The following ARHGAP8 variants were observed in gnomAD, a reference collection of about 807,000 sequenced individuals.
The protein encoded by ARHGAP8 is rho GTPase-activating protein 8.
Under a neutral mutation model 46.1 loss-of-function variants are expected in ARHGAP8, and 62 were observed. The observed-to-expected ratio is 1.34, with a 90% CI of 1.10 to 1.66. The LOEUF is 1.66. Among genes scored for constraint, ARHGAP8 ranks in the 40% most tolerant of loss-of-function variants. ARHGAP8 has a pLI of 0.00. For missense variants in ARHGAP8, 923 were observed against 568.4 expected, an observed-to-expected ratio of 1.62 and a Z score of -6.34; for synonymous variants, 375 against 243.1, an observed-to-expected ratio of 1.54 and a Z score of -5.05.
chr22:44,810,034 G>A (rs192011635), intron 4 of ARHGAP8, among the ~76,000 whole-genome samples: 2 of 152,276 alleles, frequency 1.3e-5, no homozygotes, highest in African/African-American at 4.8e-5. Context: ...TAGCCCCAGC[G>A]CATGTCCTCC....
chr22:44,831,186 T>C (rs1930920102), intron 7 of ARHGAP8, among the ~76,000 whole-genome samples: 1 of 152,224 alleles, frequency 6.6e-6, no homozygotes, highest in African/African-American at 2.4e-5. Flanking sequence ...AATTTATTTA[T>C]TTTTTTCTTT....
chr22:44,815,882 C>T (rs556754313), intron 5 of ARHGAP8, among the ~76,000 whole-genome samples: 1 of 151,580 alleles, frequency 6.6e-6, no homozygotes, highest in Admixed American at 6.6e-5. Flanking sequence ...TGACAGATGT[C>T]GTTCTTGCAC....
chr22:44,861,010 CAAAA>C (rs143581372), intron 11 of ARHGAP8, among the ~76,000 whole-genome samples: 278 of 152,120 alleles, frequency 1.8e-3, no homozygotes, highest in Middle Eastern at 3.4e-3. Flanking sequence ...CTAATTCTCT[CAAAA>C]AAATTTTTTG....
At chr22:44,860,990 C>T (rs1011608465) in intron 11 of ARHGAP8, among the ~76,000 whole-genome samples, 1 of 126,156 alleles carries the variant, frequency 7.9e-6, no homozygotes. Flanking sequence ...AGGCCCAAAA[C>T]TAAACTCTCC....
chr22:44,859,039 G>A (rs1250351033), intron 10 of ARHGAP8, among the ~76,000 whole-genome samples: 1 of 151,736 alleles, frequency 6.6e-6, no homozygotes, highest in Non-Finnish European at 1.5e-5. Flanking sequence ...ACAGGCAGTG[G>A]GCCAGATCTA....
intron 4 of ARHGAP8, chr22:44,808,650 TTC>T (rs1438247092): frequency 5.2e-5 from 46 of 879,396 alleles, no homozygotes; most frequent in African/African-American, 4.2e-4. Flanking sequence ...ATTTTTTTTT[TTC>T]TTTCTTTCTT....
intron 1 of ARHGAP8, among the ~76,000 whole-genome samples, chr22:44,785,887 C>A (rs552971811): frequency 1.2e-4 from 19 of 152,272 alleles, no homozygotes; most frequent in African/African-American, 3.6e-4. Context: ...TTCCTGCTGG[C>A]TGCCAGTGTC....
intron 10 of ARHGAP8, among the ~76,000 whole-genome samples, chr22:44,857,917 T>G (rs1047422960): frequency 1.6e-4 from 16 of 102,182 alleles, no homozygotes; most frequent in African/African-American, 6.4e-4. Context: ...TCCTGCCTAC[T>G]TGCCAGCAGG....
Position 44,834,499 on chromosome 22 carries a change from T to C in ARHGAP8, c.596+8906T>C, listed in dbSNP as rs548428870. ...TGTATGATTTAACTTCTTTCAGATGTATGGAGGCTTGTTATGTGGTATAAC... is the reference window on the plus strand; with the variant it reads ...TGTATGATTTAACTTCTTTCAGATGCATGGAGGCTTGTTATGTGGTATAAC... On this transcript the variant is annotated intron_variant, in intron 7 of 11. Transcript: ENST00000356099. Among the ~76,000 whole-genome samples, 5 of 152,318 alleles carry C rather than the reference T, an allele frequency of 3.3e-5. No individual in the cohort carries two copies. The South Asian group carries it at 8.3e-4, about 25-fold the overall frequency.
intron 8 of ARHGAP8, among the ~76,000 whole-genome samples, chr22:44,845,943 G>C (rs1026708946): frequency 3.3e-5 from 5 of 152,174 alleles, no homozygotes; most frequent in Non-Finnish European, 7.4e-5. Context: ...AGGTGTGCTA[G>C]GTGGGCCGGG....
intron 1 of ARHGAP8, among the ~76,000 whole-genome samples, chr22:44,773,730 A>G (rs1414296139): frequency 6.6e-6 from 1 of 152,092 alleles, no homozygotes; most frequent in African/African-American, 2.4e-5. Flanking sequence ...CTAAAGGTGT[A>G]CACCACCACA....
At chr22:44,854,065 A>C (rs1486710583) in intron 10 of ARHGAP8, among the ~76,000 whole-genome samples, 1 of 133,420 alleles carries the variant, frequency 7.5e-6, no homozygotes, top group Non-Finnish European at 1.6e-5. Context: ...AAAAAAAACC[A>C]TCAGACTTTG....
In ARHGAP8 at chr22:44,862,274, G is replaced by C. The variant is rs202074513; in HGVS notation, c.982-1G>C. 88 of 1,586,270 alleles carry C rather than the reference G, an allele frequency of 5.5e-5. No individual in the cohort carries two copies. The highest frequency in any genetic ancestry group is 6.9e-5 in the Non-Finnish European group (80 of 1,161,252). ...CTTTACTTGTGTGTGGTTTCCTCCA[G>C]GTGTCCCGGGAGAGCATCTTCAACA... On this transcript the variant is annotated splice_acceptor_variant, in intron 11 of 11. Coordinates refer to ENST00000356099, the MANE Select transcript of ARHGAP8 (RefSeq NM_181335.3). LOFTEE classifies it high-confidence loss of function.
chr22:44,862,038 G>C (rs986258310), intron 11 of ARHGAP8, among the ~76,000 whole-genome samples: 5 of 152,226 alleles, frequency 3.3e-5, no homozygotes, highest in Non-Finnish European at 5.9e-5. Flanking sequence ...GGCTGTCACA[G>C]AAGGTCAGAG....
intron 2 of ARHGAP8, among the ~76,000 whole-genome samples, chr22:44,798,568 C>G (rs991298191): frequency 1.3e-5 from 2 of 151,722 alleles, no homozygotes; most frequent in Admixed American, 6.6e-5. Context: ...GTACTCTTCC[C>G]CCACTACACA....
At chr22:44,766,726 C>T (rs1925605293) in intron 1 of ARHGAP8, among the ~76,000 whole-genome samples, 2 of 152,174 alleles carry the variant, frequency 1.3e-5, no homozygotes, top group African/African-American at 4.8e-5. Context: ...GTCCTGGGCT[C>T]TGGCAATGCT....
chr22:44,765,668 C>T (rs1022766866), intron 1 of ARHGAP8, among the ~76,000 whole-genome samples: 2 of 152,176 alleles, frequency 1.3e-5, no homozygotes, highest in Admixed American at 6.5e-5. Context: ...GGCAGGGAGT[C>T]CCCCCGGGCC....
chr22:44,814,616 G>C (rs558304237), intron 4 of ARHGAP8, 56 bp from the exon 5 acceptor site: 1 of 1,508,994 alleles, frequency 6.6e-7, no homozygotes, highest in Non-Finnish European at 9.1e-7. Context: ...GTTATTGGGC[G>C]TGGGGTGTTT....
At chr22:44,854,596 A>C (rs761075828) in intron 10 of ARHGAP8, among the ~76,000 whole-genome samples, 1 of 151,938 alleles carries the variant, frequency 6.6e-6, no homozygotes, top group Non-Finnish European at 1.5e-5. Context: ...GTATGCTTGG[A>C]TTATACTTAA....
Sources: allele counts gnomAD v4.1 joint callset (sites outside exome capture counted in the v4.1 genomes callset), GRCh38; gene constraint gnomAD v4.1.1; transcripts MANE v1.5; gene names NCBI Gene and HGNC (gene_info 2026-07-23, HGNC 2026-07-21).